Variants in MAST2 observed in about 807,000 individuals in gnomAD.
MAST2 encodes microtubule-associated serine/threonine-protein kinase 2.
Under a neutral mutation model 147.4 loss-of-function variants are expected in MAST2, and 70 were observed. That is an observed-to-expected ratio of 0.47 (90% CI 0.39 to 0.58). The LOEUF is 0.58. MAST2 is among the 20% of genes least tolerant of loss of function. MAST2 has a pLI of 0.00. For missense variants in MAST2, 2,080 were observed against 2,302.3 expected (o/e 0.90, Z 1.98); for synonymous variants, 869 against 896.8 (o/e 0.97, Z 0.55).
At chr1:45,959,628 G>A (rs769911213) in intron 5 of MAST2, 151 bp downstream of exon 5, 50 of 640,928 alleles carry the variant, frequency 7.8e-5, no homozygotes, top group Non-Finnish European at 1.2e-4. Flanking sequence ...CTTGCTTTCT[G>A]TACGAGAATG....
intron 1 of MAST2, among the ~76,000 whole-genome samples, chr1:45,812,471 G>C (rs572479171): frequency 6.7e-6 from 1 of 148,370 alleles, no homozygotes; most frequent in African/African-American, 2.5e-5. Context: ...ACTGTTGCCC[G>C]GGCTGGAGTA....
chr1:45,987,762 GTTTTTTTTTTTTTGATTTTTTTTTT>G (rs1345302673), intron 5 of MAST2, among the ~76,000 whole-genome samples: 4 of 62,734 alleles, frequency 6.4e-5, no homozygotes, highest in Non-Finnish European at 8.5e-5. Context: ...AGCATTTCTT[GTTTTTTTTTTTTTGATTTTTTTTTT>G]TTTTTTTTTT....
intron 4 of MAST2, among the ~76,000 whole-genome samples, chr1:45,921,504 G>T (rs1653478626): frequency 6.6e-6 from 1 of 152,160 alleles, no homozygotes; most frequent in Non-Finnish European, 1.5e-5. Flanking sequence ...ATAGTGAAGG[G>T]TGTGTGGCAA....
intron 1 of MAST2, among the ~76,000 whole-genome samples, chr1:45,818,163 CT>C (rs1161501754): frequency 1.3e-5 from 2 of 152,078 alleles, no homozygotes; most frequent in Non-Finnish European, 2.9e-5. Flanking sequence ...GAATTGGGTC[CT>C]TTTTGTTGAC....
intron 3 of MAST2, among the ~76,000 whole-genome samples, chr1:45,851,847 A>G (rs1645632471): frequency 6.6e-6 from 1 of 152,160 alleles, no homozygotes; most frequent in Admixed American, 6.5e-5. Context: ...AAAGAGGGCA[A>G]AAAGCTCCAA....
At chr1:45,902,612 C>G (rs1478799363) in intron 4 of MAST2, among the ~76,000 whole-genome samples, 1 of 141,458 alleles carries the variant, frequency 7.1e-6, no homozygotes, top group East Asian at 2.1e-4. Context: ...TGGTCCTGGG[C>G]TTTTTTTTTT....
chr1:45,829,726 A>T (rs1034763038), intron 3 of MAST2, 145 bp downstream of exon 3: 178 of 920,660 alleles, frequency 1.9e-4, no homozygotes, highest in East Asian at 6.9e-4. Context: ...ATTTATTATT[A>T]TTTTTTTTAG....
chr1:45,817,081 A>G (rs1483013572), intron 1 of MAST2, among the ~76,000 whole-genome samples: 3 of 152,216 alleles, frequency 2.0e-5, no homozygotes, highest in Admixed American at 6.5e-5. Flanking sequence ...CATGCCTACA[A>G]GATCTAGAAA....
chr1:45,913,704 T>C (rs960948087), intron 4 of MAST2: 3 of 1,019,230 alleles, frequency 2.9e-6, no homozygotes, highest in Non-Finnish European at 3.5e-6. Flanking sequence ...AAAAGTACTT[T>C]AATTTTTGCC....
chr1:45,975,315 C>T (rs12137734), intron 5 of MAST2, among the ~76,000 whole-genome samples: 1 of 151,988 alleles, frequency 6.6e-6, no homozygotes, highest in Non-Finnish European at 1.5e-5. Flanking sequence ...AAAGCTCATT[C>T]TAAGATCCGT....
chr1:46,034,328 T>C, intron 28 of MAST2, 62 bp downstream of exon 28: 1 of 1,516,036 alleles, frequency 6.6e-7, no homozygotes, highest in Non-Finnish European at 8.9e-7. Context: ...TCCTAGGCCC[T>C]GTGTGCTTCT....
intron 3 of MAST2, among the ~76,000 whole-genome samples, chr1:45,874,227 C>T (rs189233570): frequency 2.6e-4 from 39 of 152,282 alleles, no homozygotes; most frequent in Admixed American, 2.1e-3. Context: ...TTTTGAGCCA[C>T]GACAGAAGCC....
chr1:46,035,729 A>C lies in MAST2; in HGVS notation c.5060A>C (p.Glu1687Ala), dbSNP rs368238446. The change falls in exon 29 of 29, where the codon GAA (glutamate) becomes GCA (alanine). Residue 1687 changes from glutamate to alanine, a missense_variant. Transcript: ENST00000361297. The surrounding 1 kb of genome is among the most constrained non-coding windows in gnomAD (Gnocchi z 5.5). ...AGGLANLQDL[E>A]NTTPAQPKNL... ...GGGCTAGCCAACCTCCAGGATTTGG[A>C]AAACACAACTCCAGCCCAGCCTAAG... 8.7e-6 allele frequency: 14 copies of C among 1,614,042 alleles called. No homozygotes were observed. The highest frequency in any genetic ancestry group is 9.3e-6 in the Non-Finnish European group (11 of 1,180,012).
intron 8 of MAST2, 104 bp downstream of exon 8, chr1:46,006,499 AT>A: frequency 8.5e-7 from 1 of 1,171,932 alleles, no homozygotes; most frequent in Non-Finnish European, 1.2e-6. Flanking sequence ...GATAGTAAAT[AT>A]TTTTAGGCTT....
chr1:45,875,865 A>G (rs1476851928), intron 3 of MAST2, among the ~76,000 whole-genome samples: 7 of 152,168 alleles, frequency 4.6e-5, no homozygotes, highest in Non-Finnish European at 7.3e-5. Context: ...GAGGTCAGCA[A>G]AAAGATCTGG....
In MAST2 at chr1:45,886,203, TAGAG is replaced by T. The variant is rs540088978; in HGVS notation, c.500+3810_500+3813del. Among the ~76,000 whole-genome samples the T allele has an allele frequency of 6.6e-4, 99 of 149,600 alleles. 1 individual carries two copies. The highest frequency in any genetic ancestry group is 2.3e-3 in the African/African-American group (93 of 41,016). On this transcript the variant is annotated intron_variant, in intron 4 of 28. Coordinates refer to ENST00000361297, the MANE Select transcript of MAST2 (RefSeq NM_015112.3). Reference sequence around the variant, plus strand: ...GAGTCTGGAATGAGTGATACTGAGATAGAGATAGATCGATAAATATATATGTATA... The same window carrying T: ...GAGTCTGGAATGAGTGATACTGAGATATAGATCGATAAATATATATGTATA...
chr1:45,977,871 C>T (rs765370039), intron 5 of MAST2, among the ~76,000 whole-genome samples: 1 of 150,132 alleles, frequency 6.7e-6, no homozygotes, highest in African/African-American at 2.4e-5. Context: ...CCACAAGGTG[C>T]GAGAAGATAA....
Position 46,035,687 on chromosome 1 carries a change from AGGCAACCATGGCAGGTG to A in MAST2, c.5022_5038del (p.Thr1675SerfsTer15). On this transcript the variant is annotated frameshift_variant, in exon 29 of 29. Transcript: ENST00000361297. LOFTEE classifies it low-confidence loss of function (END_TRUNC). This position sits in a 1 kb window ranked among gnomAD's most constrained non-coding sequence, Gnocchi z 5.5. ...CCAGACAGGGCATCCCCAAGCAGAA[AGGCAACCATGGCAGGTG>A]GGCTAGCCAACCTCCAGGATTTGGA... The A allele has an allele frequency of 2.5e-6, 4 of 1,613,840 alleles. No individual in the cohort carries two copies. Among genetic ancestry groups the A allele is most frequent in the Non-Finnish European group, 1.7e-6 (2 of 1,179,968 alleles).
chr1:46,015,321 A>G lies in MAST2; in HGVS notation c.1189-4275A>G, dbSNP rs1402038079. Reference sequence around the variant, plus strand: ...CTAGCAGAAGGCAAGAAATAACTAAAATCAGAGCAGAACTGACGGAAATAG... The same window carrying G: ...CTAGCAGAAGGCAAGAAATAACTAAGATCAGAGCAGAACTGACGGAAATAG... On this transcript the variant is annotated intron_variant, in intron 10 of 28. Transcript: ENST00000361297. Among the ~76,000 whole-genome samples the G allele has an allele frequency of 2.0e-5, 3 of 152,160 alleles. No homozygotes were observed. The South Asian group carries it at 6.2e-4, about 32-fold the overall frequency.
Sources: allele counts gnomAD v4.1 joint callset (sites outside exome capture counted in the v4.1 genomes callset), GRCh38; gene constraint gnomAD v4.1.1; non-coding constraint Gnocchi (gnomAD v3.1); transcripts MANE v1.5; gene names NCBI Gene and HGNC (gene_info 2026-07-23, HGNC 2026-07-21).